Variants in PTPRD observed in about 807,000 individuals in gnomAD.
PTPRD encodes receptor-type tyrosine-protein phosphatase delta.
Under a neutral mutation model 214.5 loss-of-function variants are expected in PTPRD, and 34 were observed. The observed-to-expected ratio is 0.16, with a 90% CI of 0.12 to 0.21. The LOEUF is 0.21. Among genes scored for constraint, PTPRD ranks in the 10% least tolerant of loss-of-function variants. PTPRD has a pLI of 1.00. For synonymous variants in PTPRD, 1,128 were observed against 845.7 expected (o/e 1.33, Z -5.79); for missense variants, 2,545 against 2,398.7 (o/e 1.06, Z -1.27).
chr9:9,282,682 G>C (rs1247247768), intron 9 of PTPRD, among the ~76,000 whole-genome samples: 6 of 151,320 alleles, frequency 4.0e-5, no homozygotes, highest in Admixed American at 1.3e-4. Flanking sequence ...TTACTACTTA[G>C]CAGTTCAAAG....
At chr9:9,165,456 C>A (rs1400766387) in intron 10 of PTPRD, among the ~76,000 whole-genome samples, 1 of 152,104 alleles carries the variant, frequency 6.6e-6, no homozygotes, top group Non-Finnish European at 1.5e-5. Context: ...ATTAGAGCGG[C>A]AAAGCCATTT....
chr9:9,217,835 T>G (rs2099953290), intron 9 of PTPRD, among the ~76,000 whole-genome samples: 1 of 152,174 alleles, frequency 6.6e-6, no homozygotes, highest in African/African-American at 2.4e-5. Context: ...CCATATGTTT[T>G]CTGATAAAGT....
At chr9:10,426,660 C>G (rs893823236) in intron 2 of PTPRD, among the ~76,000 whole-genome samples, 2 of 152,032 alleles carry the variant, frequency 1.3e-5, no homozygotes, top group African/African-American at 4.8e-5. Flanking sequence ...GCAGAATCAA[C>G]AATCCAAAGT....
At chr9:10,480,331 A>G (rs1358936011) in intron 2 of PTPRD, among the ~76,000 whole-genome samples, 3 of 152,178 alleles carry the variant, frequency 2.0e-5, no homozygotes, top group Admixed American at 6.6e-5. Flanking sequence ...AGCAGAGAAT[A>G]AAGACCATCA....
intron 8 of PTPRD, among the ~76,000 whole-genome samples, chr9:9,495,536 G>C (rs1045733705): frequency 6.6e-5 from 10 of 152,200 alleles, no homozygotes; most frequent in African/African-American, 1.4e-4. Context: ...GGTAGAGGGA[G>C]AGACAGCTGG....
chr9:8,760,270 C>A (rs2094328083), intron 11 of PTPRD, among the ~76,000 whole-genome samples: 1 of 152,224 alleles, frequency 6.6e-6, no homozygotes. Context: ...CACACACACA[C>A]AAATAATTTT....
At chr9:9,930,636 A>G (rs2086164209) in intron 5 of PTPRD, among the ~76,000 whole-genome samples, 2 of 152,152 alleles carry the variant, frequency 1.3e-5, no homozygotes, top group South Asian at 4.1e-4. Flanking sequence ...CAGTATTTTA[A>G]AGTTTAAGTA....
At chr9:10,019,187 C>T (rs1482410229) in intron 4 of PTPRD, among the ~76,000 whole-genome samples, 2 of 152,144 alleles carry the variant, frequency 1.3e-5, no homozygotes, top group East Asian at 1.9e-4. Flanking sequence ...TGCTCACCAT[C>T]ACTGGCCATC....
chr9:8,713,018 C>T (rs891573108), intron 12 of PTPRD, among the ~76,000 whole-genome samples: 1 of 152,302 alleles, frequency 6.6e-6, no homozygotes, highest in South Asian at 2.1e-4. Context: ...CGCACCCAGC[C>T]TGATTCTTTA....
intron 8 of PTPRD, among the ~76,000 whole-genome samples, chr9:9,430,864 A>T (rs1479544659): frequency 1.3e-5 from 2 of 152,206 alleles, no homozygotes; most frequent in East Asian, 3.8e-4. Flanking sequence ...AGAAAGCTGA[A>T]ACTGGATCCC....
intron 3 of PTPRD, among the ~76,000 whole-genome samples, chr9:10,168,736 T>C (rs1488985745): frequency 6.6e-6 from 1 of 152,250 alleles, no homozygotes; most frequent in Non-Finnish European, 1.5e-5. Context: ...AGTTTAAATT[T>C]ACTTTTTCTT....
chr9:9,955,345 G>T (rs958415986), intron 4 of PTPRD, among the ~76,000 whole-genome samples: 1 of 152,154 alleles, frequency 6.6e-6, no homozygotes, highest in East Asian at 1.9e-4. Flanking sequence ...ACGTATTTAA[G>T]CTATATTCTT....
chr9:9,312,132 CAGCAAATCA>C (rs1959180090), intron 9 of PTPRD, among the ~76,000 whole-genome samples: 1 of 152,112 alleles, frequency 6.6e-6, no homozygotes, highest in Non-Finnish European at 1.5e-5. Context: ...AGCTTGATTT[CAGCAAATCA>C]AAATATTTCA....
intron 2 of PTPRD, among the ~76,000 whole-genome samples, chr9:10,415,319 T>C (rs573638316): frequency 2.1e-4 from 32 of 151,886 alleles, no homozygotes; most frequent in African/African-American, 6.7e-4. Flanking sequence ...CACACACACA[T>C]ATATATGTAC....
intron 14 of PTPRD, 101 bp downstream of exon 14, chr9:8,633,216 C>T: frequency 1.4e-6 from 2 of 1,392,990 alleles, no homozygotes; most frequent in Non-Finnish European, 1.9e-6. Context: ...CTGAGTTTCC[C>T]ATTTAAGCAC....
chr9:9,240,934 C>A lies in PTPRD; in HGVS notation c.-202-57571G>T, dbSNP rs551371606. Among the ~76,000 whole-genome samples the A allele has an allele frequency of 5.3e-5, 8 of 152,084 alleles. No homozygotes were observed. The South Asian group carries it at 1.7e-3, about 32-fold the overall frequency. The stretch of plus-strand genomic sequence containing the variant: ...AAAGCACTGTCAATCAGCTGAGGTC[C>A]AAACTTGTTTCTTTAATTAGATTCA... On this transcript the variant is annotated intron_variant, in intron 9 of 45. Coordinates refer to ENST00000381196, the MANE Select transcript of PTPRD (RefSeq NM_002839.4).
chr9:9,040,487 C>G (rs1249324043), intron 10 of PTPRD, among the ~76,000 whole-genome samples: 1 of 152,052 alleles, frequency 6.6e-6, no homozygotes, highest in Non-Finnish European at 1.5e-5. Flanking sequence ...AGTGTAGAAT[C>G]TTAGCCAACT....
At chr9:8,511,205 AGTACAG>A (rs1456763086) in intron 21 of PTPRD, among the ~76,000 whole-genome samples, 1 of 152,108 alleles carries the variant, frequency 6.6e-6, no homozygotes, top group Non-Finnish European at 1.5e-5. Context: ...AGTAGCTGAG[AGTACAG>A]GTGTGTGCCA....
intron 14 of PTPRD, among the ~76,000 whole-genome samples, chr9:8,574,462 T>G (rs2091936307): frequency 6.6e-6 from 1 of 151,938 alleles, no homozygotes; most frequent in Admixed American, 6.6e-5. Flanking sequence ...TATAATAAAT[T>G]AAACACCAAA....
Sources: gnomAD v4.1 joint callset for allele counts (sites outside exome capture counted in the v4.1 genomes callset) on GRCh38, gnomAD v4.1.1 for gene constraint, MANE v1.5 for transcripts, NCBI Gene and HGNC (gene_info 2026-07-23, HGNC 2026-07-21) for gene names.